The following GPR161 variants were observed in gnomAD, a reference collection of about 807,000 sequenced individuals.
GPR161 encodes G-protein coupled receptor RE2.
In GPR161, 25 loss-of-function variants were observed where a neutral mutation model predicts 39.2. The observed-to-expected ratio is 0.64, with a 90% CI of 0.47 to 0.89. The LOEUF (loss-of-function observed/expected upper bound fraction) is 0.89, where lower values mean the gene tolerates loss of function less well. GPR161 is among the 40% of genes least tolerant of loss of function. The pLI is 0.00. For missense variants in GPR161, 547 were observed against 677.8 expected, an observed-to-expected ratio of 0.81 and a Z score of 2.14; for synonymous variants, 286 against 276.6, an observed-to-expected ratio of 1.03 and a Z score of -0.34.
At position 168,097,022 on chromosome 1, in the gene GPR161, C is replaced by T. The variant is rs1558099871; in HGVS notation, c.585G>A (p.Trp195Ter). 1.2e-6 allele frequency: 2 copies of T among 1,614,130 alleles called. No individual in the cohort carries two copies. Among genetic ancestry groups the T allele is most frequent in the Non-Finnish European group, 1.7e-6 (2 of 1,180,018 alleles). The stretch of plus-strand genomic sequence containing the variant: ...TGACCAGAAAGGGGAAGAGGGCACA[C>T]CAGATCTGCCAGAAGGCCGTGTAGC... ...EPGYTAFWQI[W>*]CALFPFLVML... Residue 195 changes from tryptophan to a stop codon, truncating the protein, a stop_gained, in exon 3 of 6, where the codon TGG becomes TGA. Coordinates refer to ENST00000682931, the MANE Select transcript of GPR161 (RefSeq NM_001375883.1). LOFTEE classifies it high-confidence loss of function.
intron 5 of GPR161, among the ~76,000 whole-genome samples, chr1:168,086,039 C>T (rs1395776263): frequency 6.6e-6 from 1 of 152,162 alleles, no homozygotes; most frequent in East Asian, 1.9e-4. Flanking sequence ...ATTAAGATAC[C>T]TCTTACTCCA....
At chr1:168,132,037 G>A (rs1699029732) in intron 1 of GPR161, among the ~76,000 whole-genome samples, 1 of 152,178 alleles carries the variant, frequency 6.6e-6, no homozygotes, top group African/African-American at 2.4e-5. Flanking sequence ...GGCCGAGGTG[G>A]GCAAATCCCC....
At chr1:168,112,872 G>A (rs546829513) in intron 1 of GPR161, among the ~76,000 whole-genome samples, 82 of 152,218 alleles carry the variant, frequency 5.4e-4, no homozygotes, top group South Asian at 1.0e-3. Flanking sequence ...GCACACCAGT[G>A]ACCTGCGAAT....
Position 168,085,575 on chromosome 1 carries a change from G to A in GPR161, c.1546C>T (p.Gln516Ter). The change falls in exon 6 of 6, where the codon CAG becomes TAG. Residue 516 changes from glutamine (Q) to a stop codon, truncating the protein, a stop_gained. Coordinates refer to ENST00000682931, the MANE Select transcript of GPR161 (RefSeq NM_001375883.1). LOFTEE classifies it high-confidence loss of function. ...RTLVSQRLQL[Q>*]SIEEGDVLAA... ...AAAACATCTCCTTCTTCGATGCTCT[G>A]CAACTGCAGCCTCTGGCTCACAAGA... 2 of 1,614,014 alleles carry A rather than the reference G, an allele frequency of 1.2e-6. No individual in the cohort carries two copies. The highest frequency in any genetic ancestry group is 1.1e-5 in the South Asian group (1 of 91,082).
At chr1:168,136,106 T>C in intron 1 of GPR161, 1 of 1,261,094 alleles carries the variant, frequency 7.9e-7, no homozygotes, top group Non-Finnish European at 1.0e-6. Flanking sequence ...GTTCTCCCCT[T>C]TCCAAGAACC....
intron 1 of GPR161, among the ~76,000 whole-genome samples, chr1:168,124,197 C>T (rs1272741767): frequency 6.6e-6 from 1 of 152,194 alleles, no homozygotes; most frequent in Non-Finnish European, 1.5e-5. Flanking sequence ...TATCCCTTTT[C>T]CCATGATAAC....
rs369946099 is a variant in GPR161 at position 168,104,173 on chromosome 1, G to A, written c.374+304C>T. On this transcript the variant is annotated intron_variant, in intron 2 of 5. Transcript: ENST00000682931. ...AGAGGCCCTGGACCCAGTGCTGCCC[G>A]GAACTGAAACCTGCCTTGGCTTCGG... 2.0e-5 allele frequency among the ~76,000 whole-genome samples: 3 copies of A among 152,310 alleles called. No individual in the cohort carries two copies. The South Asian group carries it at 6.2e-4, about 32-fold the overall frequency.
At chr1:168,127,125 G>C (rs1286408240) in intron 1 of GPR161, among the ~76,000 whole-genome samples, 1 of 152,174 alleles carries the variant, frequency 6.6e-6, no homozygotes, top group African/African-American at 2.4e-5. Flanking sequence ...ATAAACTCAA[G>C]GAATGTTTAC....
chr1:168,136,976 C>G, upstream of GPR161: 3 of 894,300 alleles, frequency 3.4e-6, no homozygotes, highest in Non-Finnish European at 3.9e-6. Context: ...CACGCCCGGC[C>G]GGGCCCCTCC....
chr1:168,137,267 G>A (rs1193078466), upstream of GPR161: 17 of 1,494,418 alleles, frequency 1.1e-5, no homozygotes, highest in South Asian at 1.6e-4. Flanking sequence ...CTGGGACGTC[G>A]CCTTTTCCAT....
rs372585493 is a variant in GPR161 at position 168,096,706 on chromosome 1, C to T, written c.901G>A (p.Val301Ile). The T allele has an allele frequency of 2.5e-5, 40 of 1,613,972 alleles. 1 individual carries two copies. The highest frequency in any genetic ancestry group is 5.0e-5 in the Admixed American group (3 of 60,018). ...GCCCAAGTCTCCAGGCTCGGGGAGA[C>T]GGAGCTTTTCCCCCAGAGGGCCTCA... ...ASEALWGKSS[V>I]SPSLETWATW... Residue 301 changes from valine (V) to isoleucine (I), a missense_variant, in exon 3 of 6, where the codon GTC becomes ATC. Val to Ile is a conservative substitution (Grantham distance 29, BLOSUM62 3). Transcript: ENST00000682931.
chr1:168,134,388 C>G (rs977558395), intron 1 of GPR161, among the ~76,000 whole-genome samples: 1 of 152,120 alleles, frequency 6.6e-6, no homozygotes, highest in African/African-American at 2.4e-5. Flanking sequence ...GGTGTAGAAA[C>G]AGAGTCATAG....
chr1:168,089,697 C>A (rs1486506973), intron 4 of GPR161: 1 of 152,348 alleles, frequency 6.6e-6, no homozygotes, highest in East Asian at 1.9e-4. Context: ...TGGCCAGACA[C>A]CCTGGCTCTT....
intron 1 of GPR161, among the ~76,000 whole-genome samples, chr1:168,112,437 G>A (rs1448329971): frequency 7.5e-5 from 9 of 120,626 alleles, no homozygotes; most frequent in Non-Finnish European, 1.3e-4. Context: ...CCGAGATCGC[G>A]CCACTACACT....
chr1:168,092,666 G>A (rs1695174322), intron 3 of GPR161, among the ~76,000 whole-genome samples: 1 of 152,168 alleles, frequency 6.6e-6, no homozygotes, highest in Non-Finnish European at 1.5e-5. Flanking sequence ...GTGTGATTCT[G>A]AGATAAATTT....
chr1:168,122,915 G>A (rs1333640922), intron 1 of GPR161, among the ~76,000 whole-genome samples: 1 of 152,112 alleles, frequency 6.6e-6, no homozygotes, highest in Non-Finnish European at 1.5e-5. Context: ...AGGAAATTTT[G>A]GTCTGCAAAT....
At position 168,081,772 on chromosome 1, in the gene GPR161, A is replaced by G. The variant is rs1224418694; in HGVS notation, c.*3759T>C. On this transcript the variant is annotated 3_prime_UTR_variant, in exon 6 of 6. Transcript: ENST00000682931. ...TAAAGCATTTGGAAGTACCTAACAC[A>G]GCACCTAGCACATCATAGGCCCTCA... 2 of 152,368 alleles carry G rather than the reference A, an allele frequency of 1.3e-5. No individual in the cohort carries two copies. The highest frequency in any genetic ancestry group is 2.9e-5 in the Non-Finnish European group (2 of 68,080). 9.4% of individuals were successfully genotyped at this position (152,368 alleles called of 1,614,324 possible). A position where few individuals can be genotyped will look rare whatever the true frequency, so the allele number is the denominator to read the frequency against.
At chr1:168,093,723 G>T (rs934932991) in intron 3 of GPR161, among the ~76,000 whole-genome samples, 6 of 152,226 alleles carry the variant, frequency 3.9e-5, no homozygotes, top group African/African-American at 1.2e-4. Context: ...TCAAGGCCTT[G>T]CCCACAGAGG....
chr1:168,102,637 C>T lies in GPR161; in HGVS notation c.374+1840G>A, dbSNP rs144313958. Among the ~76,000 whole-genome samples the T allele has an allele frequency of 5.3e-5, 8 of 152,168 alleles. No homozygotes were observed. The South Asian group carries it at 1.0e-3, about 20-fold the overall frequency. The stretch of plus-strand genomic sequence containing the variant: ...AAAATCTCATTCTCACTCATCTAGA[C>T]CCCAGATTTAAGCAAGCAGCTTACA... On this transcript the variant is annotated intron_variant, in intron 2 of 5. Transcript: ENST00000682931.
Sources: allele counts gnomAD v4.1 joint callset (sites outside exome capture counted in the v4.1 genomes callset), GRCh38; gene constraint gnomAD v4.1.1; transcripts MANE v1.5; gene names NCBI Gene and HGNC (gene_info 2026-07-23, HGNC 2026-07-21).